TRAPPC3: variants seen among roughly 807,000 people sequenced by gnomAD.
TRAPPC3 encodes the protein trafficking protein particle complex 3.
In TRAPPC3, 5 loss-of-function variants were observed where a neutral mutation model predicts 18.2. The observed-to-expected ratio is 0.28, with a 90% CI of 0.14 to 0.58. The LOEUF is 0.58. Among genes scored for constraint, TRAPPC3 ranks in the 20% least tolerant of loss-of-function variants. The probability of loss-of-function intolerance (pLI) is 0.91; values close to 1 mark genes in which losing one functional copy is unlikely to be tolerated. For synonymous variants in TRAPPC3, 65 were observed against 84.2 expected (o/e 0.77, Z 1.25); for missense variants, 176 against 225.9 (o/e 0.78, Z 1.41).
upstream of TRAPPC3, among the ~76,000 whole-genome samples, chr1:36,151,546 G>A (rs1217346118): frequency 1.3e-5 from 2 of 152,124 alleles, no homozygotes; most frequent in Admixed American, 1.3e-4. Flanking sequence ...AGGAGGTGGA[G>A]GGTGCAGTGA....
At chr1:36,143,181 G>A (rs1644141904) in intron 1 of TRAPPC3, among the ~76,000 whole-genome samples, 1 of 151,828 alleles carries the variant, frequency 6.6e-6, no homozygotes, top group Non-Finnish European at 1.5e-5. Context: ...TACATGATTT[G>A]CCAGATGGTG....
At chr1:36,145,034 T>G (rs1644171518) in intron 1 of TRAPPC3, among the ~76,000 whole-genome samples, 1 of 152,042 alleles carries the variant, frequency 6.6e-6, no homozygotes, top group Non-Finnish European at 1.5e-5. Context: ...TTTTTCTTTT[T>G]TTTTTGAGAC....
intron 1 of TRAPPC3, among the ~76,000 whole-genome samples, chr1:36,143,868 C>G (rs966148180): frequency 2.0e-5 from 3 of 152,170 alleles, no homozygotes; most frequent in Non-Finnish European, 4.4e-5. Context: ...TGTTACCTGC[C>G]TTTCAGAGTT....
At chr1:36,146,057 C>T (rs1196579901) in intron 1 of TRAPPC3, among the ~76,000 whole-genome samples, 2 of 152,082 alleles carry the variant, frequency 1.3e-5, no homozygotes, top group Non-Finnish European at 2.9e-5. Flanking sequence ...GGATTACAGG[C>T]GTGAGCCACA....
At chr1:36,140,189 T>C in intron 1 of TRAPPC3, 23 bp from the exon 2 acceptor site, 5 of 1,504,908 alleles carry the variant, frequency 3.3e-6, no homozygotes, top group Non-Finnish European at 4.5e-6. Context: ...CAAAAGGCAG[T>C]CAGGACCAAG....
At chr1:36,153,932 G>A (rs952194021), upstream of TRAPPC3, among the ~76,000 whole-genome samples, 9 of 152,056 alleles carry the variant, frequency 5.9e-5, no homozygotes, top group Non-Finnish European at 1.3e-4. Flanking sequence ...GTCCTCCTAC[G>A]TGGGCTGTCC....
In TRAPPC3 at chr1:36,137,869, T is replaced by C. The variant is rs1485474050; in HGVS notation, c.350A>G (p.Glu117Gly). Residue 117 changes from glutamate to glycine, a missense_variant, in exon 4 of 5, where the codon GAA becomes GGA. Physicochemically the swap from Glu to Gly is moderately conservative, Grantham distance 98 (BLOSUM62 -2). Transcript: ENST00000373166. ...LENNPLVDFVELPDNHSSLIY... is the reference protein window; with the variant it reads ...LENNPLVDFVGLPDNHSSLIY... ...AAGGGATGAGTGGTTATCAGGAAGT[T>C]CCACAAAGTCCACCAAGGGGTTATT... is the stretch of plus-strand genomic sequence containing the variant. 1.2e-6 allele frequency: 2 copies of C among 1,614,184 alleles called. No individual in the cohort carries two copies. The highest frequency in any genetic ancestry group is 2.2e-5 in the South Asian group (2 of 91,084).
intron 1 of TRAPPC3, among the ~76,000 whole-genome samples, chr1:36,154,960 C>T (rs1644304859): frequency 6.6e-6 from 1 of 152,172 alleles, no homozygotes; most frequent in African/African-American, 2.4e-5. Flanking sequence ...CATCCCAGGA[C>T]AGGCTGCTCC....
intron 3 of TRAPPC3, chr1:36,138,233 C>T (rs1437916366): frequency 1.9e-6 from 3 of 1,542,582 alleles, no homozygotes; most frequent in East Asian, 4.9e-5. Flanking sequence ...TTTTTCTTTC[C>T]TAGGCATCAT....
intron 1 of TRAPPC3, among the ~76,000 whole-genome samples, chr1:36,144,471 A>G (rs1644164789): frequency 6.6e-6 from 1 of 151,886 alleles, no homozygotes; most frequent in Admixed American, 6.6e-5. Context: ...TAGGAAACAC[A>G]TTGAGACCCC....
chr1:36,143,783 A>G (rs1295485057), intron 1 of TRAPPC3, among the ~76,000 whole-genome samples: 1 of 152,222 alleles, frequency 6.6e-6, no homozygotes, highest in Non-Finnish European at 1.5e-5. Context: ...ATTATCCTGT[A>G]AAAAGCTTTG....
chr1:36,139,227 C>T (rs1470568384), intron 3 of TRAPPC3, among the ~76,000 whole-genome samples: 1 of 137,846 alleles, frequency 7.3e-6, no homozygotes, highest in Non-Finnish European at 1.5e-5. Flanking sequence ...GATGTGATCT[C>T]GGCTCACTGC....
chr1:36,143,473 G>C (rs139119521), intron 1 of TRAPPC3, among the ~76,000 whole-genome samples: 308 of 152,286 alleles, frequency 2.0e-3, no homozygotes, highest in Non-Finnish European at 2.5e-3. Flanking sequence ...AAGGAAATCA[G>C]ATAAGTGACG....
chr1:36,141,448 G>A (rs1644106248), intron 1 of TRAPPC3, among the ~76,000 whole-genome samples: 1 of 152,180 alleles, frequency 6.6e-6, no homozygotes, highest in Admixed American at 6.5e-5. Flanking sequence ...TCTAAGAAAT[G>A]TAAAAGCCCA....
At chr1:36,145,497 AC>A (rs1644180553) in intron 1 of TRAPPC3, among the ~76,000 whole-genome samples, 1 of 152,134 alleles carries the variant, frequency 6.6e-6, no homozygotes, top group Non-Finnish European at 1.5e-5. Flanking sequence ...AAGTGCTACT[AC>A]GTAAGTAATG....
intron 1 of TRAPPC3, among the ~76,000 whole-genome samples, chr1:36,144,289 C>CAAAAAAA (rs58378686): frequency 0.044 from 2,395 of 54,584 alleles, 53 homozygotes; most frequent in African/African-American, 0.065. Context: ...ACCCTGTCTC[C>CAAAAAAA]AAAAAAAAAA....
Position 36,149,396 on chromosome 1 carries a change from C to T in TRAPPC3, c.-18G>A. On this transcript the variant is annotated 5_prime_UTR_variant, in exon 1 of 5. Coordinates refer to ENST00000373166, the MANE Select transcript of TRAPPC3 (RefSeq NM_014408.5). ...CTCGACATGGTGCCGGCCGCCCCGC[C>T]CCACTCGCCTAGCCACGGGTTAGCT... The T allele has an allele frequency of 6.2e-7, 1 of 1,612,572 alleles. No homozygotes were observed.
intron 1 of TRAPPC3, among the ~76,000 whole-genome samples, chr1:36,145,834 C>T (rs961109382): frequency 9.2e-5 from 14 of 151,856 alleles, no homozygotes; most frequent in South Asian, 4.2e-4. Context: ...AGTGCAGTAG[C>T]GCGATCTCGG....
chr1:36,139,528 T>A, intron 3 of TRAPPC3, 192 bp downstream of exon 3: 2 of 683,836 alleles, frequency 2.9e-6, no homozygotes, highest in Non-Finnish European at 4.7e-6. Context: ...TTGATTTCAG[T>A]GGGGCTTTAA....
Sources: gnomAD v4.1 joint callset for allele counts (sites outside exome capture counted in the v4.1 genomes callset) on GRCh38, gnomAD v4.1.1 for gene constraint, MANE v1.5 for transcripts, NCBI Gene and HGNC (gene_info 2026-07-23, HGNC 2026-07-21) for gene names.